Variants in OR6F1 observed in about 807,000 individuals in gnomAD.
OR6F1 encodes olfactory receptor 6F1.
For missense variants in OR6F1, 346 were observed against 376.0 expected (o/e 0.92, Z 0.66); for synonymous variants, 144 against 150.0 (o/e 0.96, Z 0.29).
At position 247,712,678 on chromosome 1, in the gene OR6F1, A is replaced by C; in HGVS notation, c.78T>G (p.Ser26=). The change falls in exon 3 of 3, where the codon TCT becomes TCG. Residue 26 remains serine, a synonymous_variant. Transcript: ENST00000641470. ...ACATCACCAGAAAAAGCATAAAGAGAGAGAGCTGAAGAGTTTGAGAACCAG... is the reference window on the plus strand; with the variant it reads ...ACATCACCAGAAAAAGCATAAAGAGCGAGAGCTGAAGAGTTTGAGAACCAG... ...GFPGSQTLQL[S]LFMLFLVMYI... 1.2e-6 allele frequency: 2 copies of C among 1,612,684 alleles called. No homozygotes were observed. The highest frequency in any genetic ancestry group is 1.7e-6 in the Non-Finnish European group (2 of 1,179,814).
rs180861553 is a variant in OR6F1, at chr1:247,711,454, G to A, written c.*375C>T. ...AACCTTTGCCTATTTCTCTTCCCTCGTGTTCCACAAATGTAGTTCTCAATA... is the reference window on the plus strand; with the variant it reads ...AACCTTTGCCTATTTCTCTTCCCTCATGTTCCACAAATGTAGTTCTCAATA... On this transcript the variant is annotated 3_prime_UTR_variant, in exon 3 of 3. Transcript: ENST00000641470. The A allele has an allele frequency of 1.3e-4, 22 of 171,554 alleles. No homozygotes were observed. The highest frequency in any genetic ancestry group is 4.5e-4 in the African/African-American group (19 of 41,800). 10.6% of individuals were successfully genotyped at this position (171,554 alleles called of 1,614,324 possible).
Position 247,712,540 on chromosome 1 carries a change from C to A in OR6F1, c.216G>T (p.Trp72Cys), listed in dbSNP as rs1265815674. ...FLSNLSFLEI[W>C]YTTAAVPKAL... ...CTTTGGGCACTGCTGCTGTGGTATA[C>A]CAAATCTCCAGGAAGGAGAGGTTGC... The change falls in exon 3 of 3, where the codon TGG becomes TGT. Residue 72 changes from tryptophan (W) to cysteine (C), a missense_variant. Transcript: ENST00000641470. The A allele has an allele frequency of 6.2e-7, 1 of 1,613,876 alleles. No individual in the cohort carries two copies. Among genetic ancestry groups the A allele is most frequent in the Non-Finnish European group, 8.5e-7 (1 of 1,179,860 alleles).
chr1:247,716,029 G>C (rs953925843), intron 1 of OR6F1, among the ~76,000 whole-genome samples: 1 of 152,074 alleles, frequency 6.6e-6, no homozygotes, highest in Non-Finnish European at 1.5e-5. Flanking sequence ...AGGGCGGGGG[G>C]ATCACTTGAG....
At chr1:247,714,266 G>T (rs957167914) in intron 1 of OR6F1, among the ~76,000 whole-genome samples, 7 of 152,072 alleles carry the variant, frequency 4.6e-5, no homozygotes, top group Non-Finnish European at 1.0e-4. Flanking sequence ...CTTTCTACCA[G>T]GAAGGATTGG....
In OR6F1 at chr1:247,712,827, T is replaced by C; in HGVS notation, c.-62-10A>G. ...ACCCAATCACACAGTCCTAGAAAGA[T>C]AAAAAGAATGGATTCATGAAAGAGC... On this transcript the variant is annotated splice_polypyrimidine_tract_variant and intron_variant, in intron 2 of 2. Transcript: ENST00000641470. 3 of 762,576 alleles carry C rather than the reference T, an allele frequency of 3.9e-6. No individual in the cohort carries two copies. The highest frequency in any genetic ancestry group is 1.9e-5 in the South Asian group (1 of 53,838). 47.2% of individuals were successfully genotyped at this position (762,576 alleles called of 1,614,324 possible).
chr1:247,715,515 C>G (rs1012398391), intron 1 of OR6F1, among the ~76,000 whole-genome samples: 2 of 152,136 alleles, frequency 1.3e-5, no homozygotes, highest in African/African-American at 4.8e-5. Flanking sequence ...ACGTGAAGCA[C>G]ATGATGATCA....
chr1:247,713,133 C>A (rs988607205), intron 2 of OR6F1, among the ~76,000 whole-genome samples: 4 of 152,168 alleles, frequency 2.6e-5, no homozygotes, highest in Non-Finnish European at 5.9e-5. Flanking sequence ...ACATCTAAAC[C>A]CAGAAAGCGC....
At chr1:247,715,179 C>A (rs1285140170) in intron 1 of OR6F1, among the ~76,000 whole-genome samples, 1 of 152,208 alleles carries the variant, frequency 6.6e-6, no homozygotes, top group Non-Finnish European at 1.5e-5. Context: ...GCACTTTGAA[C>A]TTGAGGCTTT....
Position 247,712,595 on chromosome 1 carries a change from T to A in OR6F1, c.161A>T (p.Gln54Leu). The change falls in exon 3 of 3, where the codon CAG becomes CTG. Residue 54 changes from glutamine to leucine, a missense_variant. Transcript: ENST00000641470. ...AILMLVSTSH[Q>L]LHTPMYFFLS... is the part of the protein sequence containing the mutation. ...AAAGAAGTACATGGGGGTATGCAAC[T>A]GATGGGAGGTGCTCACCAACATCAA... 6.2e-7 allele frequency: 1 copy of A among 1,614,122 alleles called. No homozygotes were observed. Among genetic ancestry groups the A allele is most frequent in the Non-Finnish European group, 8.5e-7 (1 of 1,179,990 alleles).
Position 247,711,785 on chromosome 1 carries a change from G to C in OR6F1, c.*44C>G. 1 of 1,274,630 alleles carries C rather than the reference G, an allele frequency of 7.8e-7. No homozygotes were observed. The highest frequency in any genetic ancestry group is 1.3e-5 in the South Asian group (1 of 78,526). The allele number at this position is 1,274,630 out of a possible 1,614,324, so 79.0% of individuals were successfully genotyped here. On this transcript the variant is annotated 3_prime_UTR_variant, in exon 3 of 3. Transcript: ENST00000641470. ...CATTCTTACTTGGAACCTCTGTATA[G>C]ATGCAGAGACCATTTACAGGACATC... is the stretch of plus-strand genomic sequence containing the variant.
chr1:247,712,168 C>G lies in OR6F1; in HGVS notation c.588G>C (p.Glu196Asp). The G allele has an allele frequency of 6.2e-7, 1 of 1,614,222 alleles. No homozygotes were observed. Among genetic ancestry groups the G allele is most frequent in the Non-Finnish European group, 8.5e-7 (1 of 1,180,030 alleles). The change falls in exon 3 of 3, where the codon GAG (glutamate) becomes GAC (aspartate). Residue 196 changes from glutamate to aspartate, a missense_variant. Coordinates refer to ENST00000641470, the MANE Select transcript of OR6F1 (RefSeq NM_001005286.2). ...CAACAGCAATCACAAAGGCCACAAGCTCTACTGCCTGTGTGTTGGTGCAGG... is the reference window on the plus strand; with the variant it reads ...CAACAGCAATCACAAAGGCCACAAGGTCTACTGCCTGTGTGTTGGTGCAGG... ...ALACTNTQAV[E>D]LVAFVIAVVV... is the part of the protein sequence containing the mutation.
Position 247,712,374 on chromosome 1 carries a change from A to T in OR6F1, c.382T>A (p.Tyr128Asn). Reference protein sequence around the residue: ...MAYDRCLAICYPLHYGAIMSS... With the variant: ...MAYDRCLAICNPLHYGAIMSS... Reference sequence around the variant, plus strand: ...ATGATGGCTCCGTAGTGTAAAGGATAGCAGATGGCAAGACAGCGGTCATAA... The same window carrying T: ...ATGATGGCTCCGTAGTGTAAAGGATTGCAGATGGCAAGACAGCGGTCATAA... The change falls in exon 3 of 3, where the codon TAT becomes AAT. Residue 128 changes from tyrosine to asparagine, a missense_variant. Physicochemically the swap from Tyr to Asn is moderately radical, Grantham distance 143. Transcript: ENST00000641470. The T allele has an allele frequency of 6.2e-7, 1 of 1,614,202 alleles. No homozygotes were observed. Among genetic ancestry groups the T allele is most frequent in the Non-Finnish European group, 8.5e-7 (1 of 1,179,998 alleles).
rs1277096596 is a variant in OR6F1 at position 247,712,220 on chromosome 1, CAGA to C, written c.533_535del (p.Phe178del). On this transcript the variant is annotated inframe_deletion, in exon 3 of 3. Transcript: ENST00000641470. The stretch of plus-strand genomic sequence containing the variant: ...CAGGGCAATCCAGGGTGCAATGTCA[CAGA>C]AGAAGTGGTTGATGGCACGGGGGCC... The C allele has an allele frequency of 6.2e-7, 1 of 1,614,184 alleles. No homozygotes were observed. Among genetic ancestry groups the C allele is most frequent in the Non-Finnish European group, 8.5e-7 (1 of 1,180,030 alleles).
At chr1:247,715,491 A>G (rs1464350144) in intron 1 of OR6F1, among the ~76,000 whole-genome samples, 2 of 152,236 alleles carry the variant, frequency 1.3e-5, no homozygotes, top group African/African-American at 4.8e-5. Context: ...GTCAGATGCC[A>G]TGACCTAATA....
At position 247,712,336 on chromosome 1, in the gene OR6F1, G is replaced by A. The variant is rs1660022601; in HGVS notation, c.420C>T (p.Leu140=). 1 of 1,614,064 alleles carries A rather than the reference G, an allele frequency of 6.2e-7. No individual in the cohort carries two copies. Among genetic ancestry groups the A allele is most frequent in the African/African-American group, 1.3e-5 (1 of 74,954 alleles). ...LHYGAIMSSL[L]SAQLALGSWV... ...AGGAGCCCAGGGCCAGCTGCGCTGA[G>A]AGCAGGCTACTCATGATGGCTCCGT... The change falls in exon 3 of 3, where the codon CTC becomes CTT. Residue 140 remains leucine (L), a synonymous_variant. Coordinates refer to ENST00000641470, the MANE Select transcript of OR6F1 (RefSeq NM_001005286.2).
At position 247,713,960 on chromosome 1, in the gene OR6F1, G is replaced by C; in HGVS notation, c.-126-6C>G. 3 of 398,516 alleles carry C rather than the reference G, an allele frequency of 7.5e-6. No homozygotes were observed. Among genetic ancestry groups the C allele is most frequent in the Non-Finnish European group, 8.8e-6 (2 of 226,030 alleles). 24.7% of individuals were successfully genotyped at this position (398,516 alleles called of 1,614,324 possible). On this transcript the variant is annotated splice_polypyrimidine_tract_variant and splice_region_variant and intron_variant, in intron 1 of 2. Coordinates refer to ENST00000641470, the MANE Select transcript of OR6F1 (RefSeq NM_001005286.2). Reference sequence around the variant, plus strand: ...CTAATGGGCACATGAATCACCTAAGGGTATTGCCAAAATGCAAATTTTGAT... The same window carrying C: ...CTAATGGGCACATGAATCACCTAAGCGTATTGCCAAAATGCAAATTTTGAT...
chr1:247,713,687 A>G (rs1282833884), intron 2 of OR6F1, among the ~76,000 whole-genome samples: 1 of 152,222 alleles, frequency 6.6e-6, no homozygotes, highest in East Asian at 1.9e-4. Context: ...AAAGACAGTG[A>G]AGACTTTGGC....
chr1:247,712,538 T>C lies in OR6F1; in HGVS notation c.218A>G (p.Tyr73Cys), dbSNP rs1558302350. The C allele has an allele frequency of 1.2e-6, 2 of 1,613,900 alleles. No homozygotes were observed. Among genetic ancestry groups the C allele is most frequent in the East Asian group, 4.5e-5 (2 of 44,884 alleles). Reference sequence around the variant, plus strand: ...TGCTTTGGGCACTGCTGCTGTGGTATACCAAATCTCCAGGAAGGAGAGGTT... The same window carrying C: ...TGCTTTGGGCACTGCTGCTGTGGTACACCAAATCTCCAGGAAGGAGAGGTT... ...LSNLSFLEIW[Y>C]TTAAVPKALA... The change falls in exon 3 of 3, where the codon TAT becomes TGT. Residue 73 changes from tyrosine (Y) to cysteine (C), a missense_variant. Tyr to Cys is a radical substitution (Grantham distance 194). Coordinates refer to ENST00000641470, the MANE Select transcript of OR6F1 (RefSeq NM_001005286.2).
At position 247,712,633 on chromosome 1, in the gene OR6F1, A is replaced by G. The variant is rs1660030508; in HGVS notation, c.123T>C (p.Gly41=). 1 of 1,613,660 alleles carries G rather than the reference A, an allele frequency of 6.2e-7. No homozygotes were observed. The change falls in exon 3 of 3, where the codon GGT becomes GGC. Residue 41 remains glycine (G), a synonymous_variant. Coordinates refer to ENST00000641470, the MANE Select transcript of OR6F1 (RefSeq NM_001005286.2). ...TCACCAACATCAAGATAGCCACATTACCACTAACTGTGAGGATGTACATCA... is the reference window on the plus strand; with the variant it reads ...TCACCAACATCAAGATAGCCACATTGCCACTAACTGTGAGGATGTACATCA... ...FLVMYILTVS[G]NVAILMLVST...
Sources: allele counts gnomAD v4.1 joint callset (sites outside exome capture counted in the v4.1 genomes callset), GRCh38; gene constraint gnomAD v4.1.1; transcripts MANE v1.5; gene names NCBI Gene and HGNC (gene_info 2026-07-23, HGNC 2026-07-21).